L3MBTL4: variants seen among roughly 807,000 people sequenced by gnomAD.
The protein encoded by L3MBTL4 is L3MBTL histone methyl-lysine binding protein 4, also known as lethal(3)malignant brain tumor-like protein 4.
L3MBTL4 carries 70 observed loss-of-function variants against 84.5 expected under a neutral mutation model. The ratio of observed to expected loss-of-function variants is 0.83; its 90% CI spans 0.68 to 1.01. The LOEUF (loss-of-function observed/expected upper bound fraction) is 1.01. L3MBTL4 is among the 50% of genes least tolerant of loss of function. L3MBTL4 has a pLI of 0.00. For missense variants in L3MBTL4, 715 were observed against 754.8 expected (o/e 0.95, Z 0.62); for synonymous variants, 274 against 259.8 (o/e 1.05, Z -0.52).
chr18:6,191,271 T>C (rs1015704897), intron 12 of L3MBTL4, among the ~76,000 whole-genome samples: 1 of 152,212 alleles, frequency 6.6e-6, no homozygotes, highest in African/African-American at 2.4e-5. Flanking sequence ...TGATGTATTC[T>C]GGACTATAGC....
chr18:6,033,167 G>C (rs940323622), intron 16 of L3MBTL4, among the ~76,000 whole-genome samples: 2 of 151,982 alleles, frequency 1.3e-5, no homozygotes, highest in African/African-American at 4.8e-5. Context: ...TCTGTTATTA[G>C]GTGCACAAAT....
chr18:6,264,248 C>G (rs189670671), intron 4 of L3MBTL4, among the ~76,000 whole-genome samples: 90 of 152,234 alleles, frequency 5.9e-4, no homozygotes, highest in Middle Eastern at 6.8e-3. Context: ...TGTTTCGGAC[C>G]AGGCTAATGA....
intron 13 of L3MBTL4, among the ~76,000 whole-genome samples, chr18:6,141,449 T>C (rs1387348750): frequency 1.3e-5 from 2 of 152,160 alleles, no homozygotes; most frequent in Admixed American, 6.5e-5. Context: ...TTGATGTCTC[T>C]GTAGTTATTT....
chr18:6,031,094 G>C, intron 16 of L3MBTL4: 1 of 985,366 alleles, frequency 1.0e-6, no homozygotes, highest in South Asian at 4.7e-5. Flanking sequence ...TAGGAAGCTG[G>C]GGTTTGTGAT....
chr18:6,353,419 T>G (rs779574881), intron 1 of L3MBTL4, among the ~76,000 whole-genome samples: 3 of 152,192 alleles, frequency 2.0e-5, no homozygotes, highest in African/African-American at 7.2e-5. Flanking sequence ...GTTAAGCAGA[T>G]GTAATTAAAT....
chr18:6,412,159 C>G (rs192842007), intron 1 of L3MBTL4, among the ~76,000 whole-genome samples: 11 of 152,144 alleles, frequency 7.2e-5, no homozygotes, highest in Admixed American at 7.2e-4. Flanking sequence ...TTCGATAGGT[C>G]CCAGTGTATG....
intron 18 of L3MBTL4, among the ~76,000 whole-genome samples, chr18:5,959,846 G>T (rs775710926): frequency 1.2e-4 from 18 of 151,954 alleles, no homozygotes; most frequent in Non-Finnish European, 2.5e-4. Context: ...CTAGCAAAAT[G>T]TAAGAGGACT....
chr18:6,266,561 C>T (rs1022429516), intron 4 of L3MBTL4, among the ~76,000 whole-genome samples: 7 of 152,176 alleles, frequency 4.6e-5, no homozygotes, highest in African/African-American at 1.2e-4. Flanking sequence ...GACAATACAA[C>T]AATGTGACTG....
intron 4 of L3MBTL4, among the ~76,000 whole-genome samples, chr18:6,299,305 T>C (rs1214960099): frequency 2.6e-5 from 4 of 152,240 alleles, no homozygotes; most frequent in Admixed American, 1.3e-4. Flanking sequence ...ACACCATTAA[T>C]ACTTTAATTA....
At chr18:6,000,787 A>G (rs1024865175) in intron 16 of L3MBTL4, among the ~76,000 whole-genome samples, 1 of 152,252 alleles carries the variant, frequency 6.6e-6, no homozygotes, top group Non-Finnish European at 1.5e-5. Context: ...CACTCATTAC[A>G]GCATCCAGTC....
intron 1 of L3MBTL4, among the ~76,000 whole-genome samples, chr18:6,389,671 A>G (rs920169193): frequency 1.3e-5 from 2 of 152,230 alleles, no homozygotes; most frequent in African/African-American, 4.8e-5. Context: ...CAGACAAAAC[A>G]AACTTTAAAG....
chr18:6,035,512 C>T (rs1342006861), intron 16 of L3MBTL4, among the ~76,000 whole-genome samples: 3 of 152,050 alleles, frequency 2.0e-5, no homozygotes. Context: ...ATCTATATCT[C>T]TGTTTTGGTA....
chr18:6,134,267 G>A (rs1307327252), intron 14 of L3MBTL4, among the ~76,000 whole-genome samples: 3 of 152,152 alleles, frequency 2.0e-5, no homozygotes, highest in South Asian at 2.1e-4. Flanking sequence ...CACAACACTC[G>A]GGAATTCTGA....
chr18:6,340,851 G>A (rs1386308221), intron 1 of L3MBTL4, among the ~76,000 whole-genome samples: 4 of 152,128 alleles, frequency 2.6e-5, no homozygotes, highest in Non-Finnish European at 5.9e-5. Context: ...TCAACAGTAG[G>A]TGCAGATCTT....
chr18:6,126,427 T>C (rs1432474587), intron 14 of L3MBTL4, among the ~76,000 whole-genome samples: 1 of 152,224 alleles, frequency 6.6e-6, no homozygotes, highest in Non-Finnish European at 1.5e-5. Context: ...ATCAATGTAC[T>C]GCTCTTTCTC....
intron 16 of L3MBTL4, among the ~76,000 whole-genome samples, chr18:6,051,298 G>A (rs993874110): frequency 2.0e-5 from 3 of 152,188 alleles, no homozygotes; most frequent in African/African-American, 7.2e-5. Flanking sequence ...CAGCACTTTC[G>A]GAGGCTGTGG....
At chr18:6,205,114 C>T (rs565427070) in intron 12 of L3MBTL4, among the ~76,000 whole-genome samples, 69 of 152,212 alleles carry the variant, frequency 4.5e-4, no homozygotes, top group South Asian at 1.2e-3. Context: ...GATCTTGAGA[C>T]GAGGGATCGT....
At chr18:6,394,387 GAA>G (rs1386911250) in intron 1 of L3MBTL4, among the ~76,000 whole-genome samples, 2 of 152,124 alleles carry the variant, frequency 1.3e-5, no homozygotes, top group Admixed American at 1.3e-4. Context: ...AGAATCACTT[GAA>G]CCCAGGAGGT....
chr18:6,311,601 T>A lies in L3MBTL4; in HGVS notation c.25A>T (p.Lys9Ter). The A allele has an allele frequency of 1.2e-6, 2 of 1,613,688 alleles. No individual in the cohort carries two copies. The highest frequency in any genetic ancestry group is 1.1e-5 in the South Asian group (1 of 91,060). The change falls in exon 3 of 19, where the codon AAG becomes TAG. Residue 9 changes from lysine (K) to a stop codon, truncating the protein, a stop_gained. Transcript: ENST00000317931. LOFTEE classifies it high-confidence loss of function. MKQPNRKR[K>*]LNMDSKERLD... The stretch of plus-strand genomic sequence containing the variant: ...CGCTCTTTGGAATCCATATTAAGCT[T>A]CCTTTTCCTGTTGGGCTGTTTCATT...
Sources: gnomAD v4.1 joint callset for allele counts (sites outside exome capture counted in the v4.1 genomes callset) on GRCh38, gnomAD v4.1.1 for gene constraint, MANE v1.5 for transcripts, NCBI Gene and HGNC (gene_info 2026-07-23, HGNC 2026-07-21) for gene names.